HCN4: variants seen among roughly 807,000 people sequenced by gnomAD.
HCN4 encodes the protein potassium/sodium hyperpolarization-activated cyclic nucleotide-gated channel 4.
A neutral mutation model predicts 76.9 loss-of-function variants in HCN4; 29 were observed. That is an observed-to-expected ratio of 0.38 (90% CI 0.28 to 0.51). The LOEUF (loss-of-function observed/expected upper bound fraction) is 0.51. Among genes scored for constraint, HCN4 ranks in the 20% least tolerant of loss-of-function variants. The pLI is 0.90. For synonymous variants in HCN4, 772 were observed against 762.5 expected, an observed-to-expected ratio of 1.01 and a Z score of -0.21; for missense variants, 1,416 against 1,715.2, an observed-to-expected ratio of 0.83 and a Z score of 3.08.
Position 73,325,056 on chromosome 15 carries a change from C to T in HCN4, c.1877G>A (p.Gly626Asp), listed in dbSNP as rs1347146822. 1 of 1,614,110 alleles carries T rather than the reference C, an allele frequency of 6.2e-7. No homozygotes were observed. Among genetic ancestry groups the T allele is most frequent in the Non-Finnish European group, 8.5e-7 (1 of 1,180,044 alleles). The change falls in exon 6 of 8, where the codon GGC becomes GAC. Residue 626 changes from glycine to aspartate, a missense_variant. Physicochemically the swap from Gly to Asp is moderately conservative, Grantham distance 94. Around this residue, in one of 6 missense-constraint regions of HCN4, gnomAD observed 241 missense variants for 379.4 expected, o/e 0.64. Transcript: ENST00000261917. The surrounding 1 kb of genome is among the most constrained non-coding windows in gnomAD (Gnocchi z 7.4). ...GAAGTACATCTTCTTGCCAATGGTG[C>T]CTTCCCGGATGATGTAGTCCCCAGG... ...FQPGDYIIRE[G>D]TIGKKMYFIQ...
Position 73,343,050 on chromosome 15 carries a change from G to A in HCN4, c.1209+335C>T, listed in dbSNP as rs1482910094. Among the ~76,000 whole-genome samples the A allele has an allele frequency of 2.0e-5, 3 of 152,166 alleles. No individual in the cohort carries two copies. The highest frequency in any genetic ancestry group is 4.8e-5 in the African/African-American group (2 of 41,424). On this transcript the variant is annotated intron_variant, in intron 2 of 7. Coordinates refer to ENST00000261917, the MANE Select transcript of HCN4 (RefSeq NM_005477.3). The surrounding 1 kb of genome is among the most constrained non-coding windows in gnomAD (Gnocchi z 5.7). Reference sequence around the variant, plus strand: ...AATAATGTGGGCTCTAGAGGTGATCGGCTTAAGTTCACATTCCAGGTTCAC... The same window carrying A: ...AATAATGTGGGCTCTAGAGGTGATCAGCTTAAGTTCACATTCCAGGTTCAC...
intron 2 of HCN4, among the ~76,000 whole-genome samples, chr15:73,333,198 A>G (rs1402072453): frequency 6.6e-6 from 1 of 152,104 alleles, no homozygotes; most frequent in African/African-American, 2.4e-5. Context: ...CTCCTCCCAA[A>G]GCTGCCATGC....
chr15:73,342,642 C>A (rs1220201400), intron 2 of HCN4, among the ~76,000 whole-genome samples: 1 of 152,234 alleles, frequency 6.6e-6, no homozygotes, highest in East Asian at 1.9e-4. Context: ...TGGCTTCCTG[C>A]CTTTCCCTGT....
At chr15:73,355,728 T>C (rs1182393879) in intron 1 of HCN4, among the ~76,000 whole-genome samples, 1 of 152,170 alleles carries the variant, frequency 6.6e-6, no homozygotes, top group Non-Finnish European at 1.5e-5. Context: ...ATGTTGCATA[T>C]GCAGAAACAC....
At chr15:73,350,806 TC>T (rs1239446573) in intron 1 of HCN4, among the ~76,000 whole-genome samples, 1 of 152,018 alleles carries the variant, frequency 6.6e-6, no homozygotes, top group African/African-American at 2.4e-5. Context: ...TCTCCACTGA[TC>T]CTTTCCCATC....
Position 73,343,681 on chromosome 15 carries a change from ATG to A in HCN4, c.911_912del (p.Thr304IlefsTer30). On this transcript the variant is annotated frameshift_variant, in exon 2 of 8. Transcript: ENST00000261917. LOFTEE classifies it high-confidence loss of function. This position sits in a 1 kb window ranked among gnomAD's most constrained non-coding sequence, Gnocchi z 5.7. Reference sequence around the variant, plus strand: ...TTGAGGACCAAGTCGATGAGGAAGAATGTGTCTGACACCACATTGAAGACAAT... The same window carrying A: ...TTGAGGACCAAGTCGATGAGGAAGAATGTCTGACACCACATTGAAGACAAT... ...PWIVFNVVSD[T>X]FFLIDLVLNF... 6.2e-7 allele frequency: 1 copy of A among 1,614,182 alleles called. No homozygotes were observed. The highest frequency in any genetic ancestry group is 8.5e-7 in the Non-Finnish European group (1 of 1,180,014).
chr15:73,343,843 A>T lies in HCN4; in HGVS notation c.786-35T>A. 1 of 1,608,202 alleles carries T rather than the reference A, an allele frequency of 6.2e-7. No homozygotes were observed. The highest frequency in any genetic ancestry group is 8.5e-7 in the Non-Finnish European group (1 of 1,175,642). On this transcript the variant is annotated intron_variant, in intron 1 of 7. Transcript: ENST00000261917. The surrounding 1 kb of genome is among the most constrained non-coding windows in gnomAD (Gnocchi z 5.7). ...GACACAGGGGTCAGTCGCCAGGAAG[A>T]GAGAGAGGACAAGTTACAGACTAAG...
At position 73,356,189 on chromosome 15, in the gene HCN4, CTT is replaced by C. The variant is rs527385643; in HGVS notation, c.785+11295_785+11296del. Among the ~76,000 whole-genome samples, 439 of 135,154 alleles carry C rather than the reference CTT, an allele frequency of 3.2e-3. 2 individuals carry two copies. Among genetic ancestry groups the C allele is most frequent in the Middle Eastern group, 0.011 (3 of 266 alleles). 88.7% of individuals were successfully genotyped at this position (135,154 alleles called of 152,430 possible). ...TGGGGCAGAACGTCTTTGTTTTTTG[CTT>C]TTTTTTTTTTTTTGAGATAGGGTCT... On this transcript the variant is annotated intron_variant, in intron 1 of 7. Transcript: ENST00000261917.
Position 73,329,586 on chromosome 15 carries a change from T to C in HCN4, c.1577A>G (p.Gln526Arg). Residue 526 changes from glutamine (Q) to arginine (R), a missense_variant, in exon 4 of 8, where the codon CAG (glutamine) becomes CGG (arginine). Physicochemically the swap from Gln to Arg is conservative, Grantham distance 43. Coordinates refer to ENST00000261917, the MANE Select transcript of HCN4 (RefSeq NM_005477.3). Reference sequence around the variant, plus strand: ...GGGTAGACCTACCTTTTCCTGGTACTGGCGCCGGGAGGAGTCCAGGGACTG... The same window carrying C: ...GGGTAGACCTACCTTTTCCTGGTACCGGCGCCGGGAGGAGTCCAGGGACTG... ...LIQSLDSSRR[Q>R]YQEKYKQVEQ... is the part of the protein sequence containing the mutation. The C allele has an allele frequency of 6.2e-7, 1 of 1,614,044 alleles. No individual in the cohort carries two copies. Among genetic ancestry groups the C allele is most frequent in the Non-Finnish European group, 8.5e-7 (1 of 1,179,968 alleles).
At chr15:73,349,247 CAG>C (rs545142373) in intron 1 of HCN4, among the ~76,000 whole-genome samples, 53 of 152,258 alleles carry the variant, frequency 3.5e-4, no homozygotes, top group African/African-American at 1.2e-3. Context: ...ACACTGAAAA[CAG>C]TGAGAATGGA....
rs140474479 is a variant in HCN4, at chr15:73,366,187, G to C, written c.785+1299C>G. ...AGAGCAGTCTGTCAAAGGAAAAAAG[G>C]GGGGAGGGGCTCTGTTCACTACCTA... On this transcript the variant is annotated intron_variant, in intron 1 of 7. Transcript: ENST00000261917. Among the ~76,000 whole-genome samples the C allele has an allele frequency of 1.2e-3, 185 of 152,278 alleles. 1 individual carries two copies. Among genetic ancestry groups the C allele is most frequent in the African/African-American group, 4.0e-3 (168 of 41,552 alleles).
Position 73,322,962 on chromosome 15 carries a change from C to A in HCN4, c.3131G>T (p.Arg1044Leu). 1 of 1,406,642 alleles carries A rather than the reference C, an allele frequency of 7.1e-7. No individual in the cohort carries two copies. The highest frequency in any genetic ancestry group is 9.3e-7 in the Non-Finnish European group (1 of 1,075,456). The allele number at this position is 1,406,642 out of a possible 1,614,324, so 87.1% of individuals were successfully genotyped here. A position where few individuals can be genotyped will look rare whatever the true frequency, so the allele number is the denominator to read the frequency against. The change falls in exon 8 of 8, where the codon CGG (arginine) becomes CTG (leucine). Residue 1044 changes from arginine to leucine, a missense_variant. Transcript: ENST00000261917. ...PPRTFPSAPP[R>L]ASGSHGSLLL... is the part of the protein sequence containing the mutation. The stretch of plus-strand genomic sequence containing the variant: ...CAAGGATCCGTGGGAGCCAGAGGCC[C>A]GGGGCGGGGCACTCGGGAAGGTTCT...
chr15:73,339,675 C>T (rs752383647), intron 2 of HCN4, among the ~76,000 whole-genome samples: 52 of 152,330 alleles, frequency 3.4e-4, no homozygotes, highest in Non-Finnish European at 6.8e-4. Context: ...CATAGAGGGA[C>T]TTGAAAGAGG....
At position 73,323,086 on chromosome 15, in the gene HCN4, G is replaced by A; in HGVS notation, c.3007C>T (p.Pro1003Ser). ...TPETPPRQPE[P>S]PSLVAGASGG... ...GAGGCCCCTGCCACAAGGGACGGCGGCTCAGGCTGCCGTGGGGGTGTCTCT... is the reference window on the plus strand; with the variant it reads ...GAGGCCCCTGCCACAAGGGACGGCGACTCAGGCTGCCGTGGGGGTGTCTCT... The change falls in exon 8 of 8, where the codon CCG (proline) becomes TCG (serine). Residue 1003 changes from proline (P) to serine (S), a missense_variant. Transcript: ENST00000261917. 1 of 1,580,690 alleles carries A rather than the reference G, an allele frequency of 6.3e-7. No individual in the cohort carries two copies. The highest frequency in any genetic ancestry group is 8.6e-7 in the Non-Finnish European group (1 of 1,165,810).
chr15:73,323,189 C>T lies in HCN4; in HGVS notation c.2904G>A (p.Pro968=), dbSNP rs368145651. 56 of 1,545,152 alleles carry T rather than the reference C, an allele frequency of 3.6e-5. No homozygotes were observed. In the African/African-American group the frequency reaches 5.1e-4, roughly 14 times the overall value. ...FLPPPPSSRS[P]SSSPGQLGQP... Reference sequence around the variant, plus strand: ...GGCCCAGCTGCCCGGGGCTAGATGACGGGGATCTGGATGAGGGTGGGGGTG... The same window carrying T: ...GGCCCAGCTGCCCGGGGCTAGATGATGGGGATCTGGATGAGGGTGGGGGTG... The change falls in exon 8 of 8, where the codon CCG becomes CCA. Residue 968 remains proline (P), a synonymous_variant. Transcript: ENST00000261917.
Position 73,323,217 on chromosome 15 carries a change from A to T in HCN4, c.2876T>A (p.Leu959Gln), listed in dbSNP as rs2042874508. 1 of 1,531,848 alleles carries T rather than the reference A, an allele frequency of 6.5e-7. No homozygotes were observed. The highest frequency in any genetic ancestry group is 8.8e-7 in the Non-Finnish European group (1 of 1,141,492). The allele number at this position is 1,531,848 out of a possible 1,614,324, so 94.9% of individuals were successfully genotyped here. ...GGATCTGGATGAGGGTGGGGGTGGC[A>T]GGAAGTGCTCCGGGAGTCCCAGGCC... ...RGGLGLPEHF[L>Q]PPPPSSRSPS... Residue 959 changes from leucine to glutamine, a missense_variant, in exon 8 of 8, where the codon CTG becomes CAG. By Grantham distance (113) the Leu-to-Gln change is moderately radical. This residue lies in a region of HCN4 where 633 missense variants were observed against 579.8 expected (regional missense o/e 1.09). Transcript: ENST00000261917.
chr15:73,330,244 C>T (rs966495123), intron 3 of HCN4, among the ~76,000 whole-genome samples: 8 of 152,240 alleles, frequency 5.3e-5, no homozygotes, highest in Non-Finnish European at 5.9e-5. Context: ...CAAGCTCTGG[C>T]GGACTGAGCC....
intron 2 of HCN4, among the ~76,000 whole-genome samples, chr15:73,339,802 G>A (rs950991911): frequency 5.9e-5 from 9 of 152,164 alleles, no homozygotes; most frequent in South Asian, 2.1e-4. Context: ...AGAAGCCCCC[G>A]GGCTGGAGTG....
chr15:73,365,116 G>A (rs918304693), intron 1 of HCN4, among the ~76,000 whole-genome samples: 2 of 152,182 alleles, frequency 1.3e-5, no homozygotes, highest in African/African-American at 2.4e-5. Context: ...GACCAAGGCT[G>A]GGGGTGCTGG....
Sources: gnomAD v4.1 joint callset for allele counts (sites outside exome capture counted in the v4.1 genomes callset) on GRCh38, gnomAD v4.1.1 for gene constraint, gnomAD v4.1.1 regional missense constraint, Gnocchi (gnomAD v3.1) non-coding constraint, MANE v1.5 for transcripts, NCBI Gene and HGNC (gene_info 2026-07-23, HGNC 2026-07-21) for gene names.